Variants in GNL2 observed in about 807,000 individuals in gnomAD.
The protein encoded by GNL2 is G protein nucleolar 2, also known as nucleolar GTP-binding protein 2.
A neutral mutation model predicts 92.3 loss-of-function variants in GNL2; 51 were observed. The ratio of observed to expected loss-of-function variants is 0.55; its 90% CI spans 0.44 to 0.70. GNL2 has a LOEUF of 0.70. GNL2 is among the 30% of genes least tolerant of loss of function. The pLI is 0.00. For synonymous variants in GNL2, 283 were observed against 300.6 expected, an observed-to-expected ratio of 0.94 and a Z score of 0.61; for missense variants, 844 against 895.6, an observed-to-expected ratio of 0.94 and a Z score of 0.74.
chr1:37,582,935 AC>A lies in GNL2; in HGVS notation c.637del (p.Val213Ter). The A allele has an allele frequency of 6.2e-7, 1 of 1,608,660 alleles. No homozygotes were observed. The highest frequency in any genetic ancestry group is 8.5e-7 in the Non-Finnish European group (1 of 1,177,248). On this transcript the variant is annotated frameshift_variant and splice_region_variant, in exon 7 of 16. Transcript: ENST00000373062. LOFTEE classifies it high-confidence loss of function. ...SKRIWGELYK[V>X]IDSSDVVVQV... ...AACTACAACATCTGATGAATCTATC[AC>A]CTGAAAATTCAGAAAGGCAAAAATG...
rs570254120 is a variant in GNL2 at position 37,568,933 on chromosome 1, C to G, written c.1786G>C (p.Val596Leu). The change falls in exon 13 of 16, where the codon GTT becomes CTT. Residue 596 changes from valine to leucine, a missense_variant. Coordinates refer to ENST00000373062, the MANE Select transcript of GNL2 (RefSeq NM_013285.3). Reference protein sequence around the residue: ...EENVGNDTKAVIKALDEKIAK... With the variant: ...EENVGNDTKALIKALDEKIAK... The stretch of plus-strand genomic sequence containing the variant: ...ATCTTCTCATCCAGTGCTTTAATAA[C>G]GGCTTTGGTGTCGTTTCCCACATTT... The G allele has an allele frequency of 1.2e-6, 2 of 1,614,124 alleles. No individual in the cohort carries two copies. The highest frequency in any genetic ancestry group is 2.7e-5 in the African/African-American group (2 of 75,034).
chr1:37,568,130 A>C, intron 14 of GNL2, 145 bp downstream of exon 14: 1 of 628,386 alleles, frequency 1.6e-6, no homozygotes, highest in Non-Finnish European at 2.9e-6. Context: ...TTCAATTTGC[A>C]TAACACTATG....
intron 13 of GNL2, 66 bp from the exon 14 acceptor site, chr1:37,568,423 C>A: frequency 9.8e-7 from 1 of 1,016,480 alleles, no homozygotes; most frequent in Non-Finnish European, 1.6e-6. Context: ...GACCTGGAGA[C>A]CTGCGACAAA....
At chr1:37,569,786 C>T (rs1253913929) in intron 12 of GNL2, 1 of 154,152 alleles carries the variant, frequency 6.5e-6, no homozygotes, top group Non-Finnish European at 1.4e-5. Flanking sequence ...GTGTCCAAAT[C>T]TCATCTTGAT....
At chr1:37,579,515 C>A (rs1425335307) in intron 8 of GNL2, among the ~76,000 whole-genome samples, 1 of 149,904 alleles carries the variant, frequency 6.7e-6, no homozygotes, top group African/African-American at 2.5e-5. Flanking sequence ...CCATTGCACT[C>A]TAGCCTGGGC....
chr1:37,589,824 T>C (rs887071283), intron 4 of GNL2, among the ~76,000 whole-genome samples: 1 of 152,180 alleles, frequency 6.6e-6, no homozygotes, highest in African/African-American at 2.4e-5. Flanking sequence ...TGACAACCAA[T>C]GTGACCAGCA....
intron 3 of GNL2, among the ~76,000 whole-genome samples, chr1:37,591,738 C>A (rs1643889108): frequency 6.6e-6 from 1 of 152,086 alleles, no homozygotes; most frequent in South Asian, 2.1e-4. Flanking sequence ...AATGCCTGAC[C>A]TCAAGTGATT....
At chr1:37,570,942 C>T (rs1263106522) in intron 12 of GNL2, 2 of 152,146 alleles carry the variant, frequency 1.3e-5, no homozygotes, top group African/African-American at 4.8e-5. Flanking sequence ...GCAACAAAAA[C>T]TCAGAGAACT....
At chr1:37,573,861 C>T (rs1029429869) in intron 12 of GNL2, among the ~76,000 whole-genome samples, 3 of 152,156 alleles carry the variant, frequency 2.0e-5, no homozygotes, top group Non-Finnish European at 2.9e-5. Context: ...CATGGGCCAG[C>T]AGTGGCTCCC....
At chr1:37,595,728 C>A in intron 1 of GNL2, 31 bp downstream of exon 1, 4 of 1,601,770 alleles carry the variant, frequency 2.5e-6, no homozygotes, top group Non-Finnish European at 3.4e-6. Flanking sequence ...TTCCTCCAAG[C>A]TCCACCCTCG....
chr1:37,581,417 G>C (rs778223849), intron 8 of GNL2: 9 of 456,066 alleles, frequency 2.0e-5, no homozygotes, highest in South Asian at 1.4e-4. Flanking sequence ...TCTGACCAGG[G>C]ATCTGAAGCT....
intron 8 of GNL2, among the ~76,000 whole-genome samples, chr1:37,580,783 T>C (rs1401544064): frequency 1.3e-5 from 2 of 152,096 alleles, no homozygotes; most frequent in Non-Finnish European, 2.9e-5. Context: ...CAGATACAAA[T>C]AGAACACAGC....
chr1:37,576,136 G>T, intron 9 of GNL2: 1 of 337,180 alleles, frequency 3.0e-6, no homozygotes. Context: ...AATATTCTTG[G>T]GTTAGTTTTG....
At chr1:37,584,918 A>G (rs947286017) in intron 5 of GNL2, among the ~76,000 whole-genome samples, 15 of 151,844 alleles carry the variant, frequency 9.9e-5, no homozygotes, top group Non-Finnish European at 2.1e-4. Flanking sequence ...TGTCTCTACT[A>G]AAAATACAAA....
chr1:37,575,383 T>C lies in GNL2; in HGVS notation c.1143+212A>G, dbSNP rs534710380. Among the ~76,000 whole-genome samples, 1 of 152,320 alleles carries C rather than the reference T, an allele frequency of 6.6e-6. No homozygotes were observed. Among genetic ancestry groups the C allele is most frequent in the African/African-American group, 2.4e-5 (1 of 41,578 alleles). ...TGTGTGTAAACTACAAACTCTTTTG[T>C]GGGATGATATTGACCAGATATGCCC... On this transcript the variant is annotated intron_variant, in intron 10 of 15. Coordinates refer to ENST00000373062, the MANE Select transcript of GNL2 (RefSeq NM_013285.3). This position sits in a 1 kb window ranked among gnomAD's most constrained non-coding sequence, Gnocchi z 4.1.
intron 1 of GNL2, among the ~76,000 whole-genome samples, chr1:37,594,776 G>C (rs1557646930): frequency 6.6e-6 from 1 of 152,154 alleles, no homozygotes; most frequent in African/African-American, 2.4e-5. Flanking sequence ...CCTGACCTCG[G>C]GTGATCCGAC....
intron 8 of GNL2, among the ~76,000 whole-genome samples, chr1:37,578,527 G>GA (rs1488481135): frequency 6.7e-6 from 1 of 149,668 alleles, no homozygotes; most frequent in African/African-American, 2.4e-5. Flanking sequence ...ACTCCATGGA[G>GA]AAAAAAAAGA....
intron 12 of GNL2, 103 bp from the exon 13 acceptor site, chr1:37,569,405 A>G (rs568043493): frequency 7.9e-6 from 6 of 755,922 alleles, no homozygotes; most frequent in Non-Finnish European, 1.3e-5. Context: ...CTCAGGACTA[A>G]GGGAAGGTAT....
intron 13 of GNL2, among the ~76,000 whole-genome samples, chr1:37,568,595 A>G (rs1643544289): frequency 6.6e-6 from 1 of 152,220 alleles, no homozygotes. Flanking sequence ...AAATGGCAAT[A>G]ACAGCCAAGT....
Sources: gnomAD v4.1 joint callset for allele counts (sites outside exome capture counted in the v4.1 genomes callset) on GRCh38, gnomAD v4.1.1 for gene constraint, Gnocchi (gnomAD v3.1) non-coding constraint, MANE v1.5 for transcripts, NCBI Gene and HGNC (gene_info 2026-07-23, HGNC 2026-07-21) for gene names.